Variants in GRIN2B observed in about 807,000 individuals in gnomAD.
GRIN2B encodes the protein glutamate ionotropic receptor NMDA type subunit 2B.
In GRIN2B, 5 loss-of-function variants were observed where a neutral mutation model predicts 114.5. That is an observed-to-expected ratio of 0.04 (90% CI 0.02 to 0.09). The LOEUF (loss-of-function observed/expected upper bound fraction) is 0.09, where lower values mean the gene tolerates loss of function less well. GRIN2B is among the 10% of genes least tolerant of loss of function. GRIN2B has a pLI of 1.00. For synonymous variants in GRIN2B, 787 were observed against 745.1 expected (o/e 1.06, Z -0.92); for missense variants, 1,108 against 1,943.5 (o/e 0.57, Z 8.08).
intron 5 of GRIN2B, among the ~76,000 whole-genome samples, chr12:13,658,480 T>TA (rs1192124514): frequency 6.6e-6 from 1 of 152,116 alleles, no homozygotes; most frequent in East Asian, 1.9e-4. Flanking sequence ...TCCTCATAAT[T>TA]AGATGGAATA....
intron 3 of GRIN2B, among the ~76,000 whole-genome samples, chr12:13,773,463 G>C (rs776282314): frequency 1.3e-5 from 2 of 152,186 alleles, no homozygotes; most frequent in African/African-American, 2.4e-5. Flanking sequence ...TCTTCTTTAA[G>C]GTGAACACAG....
At chr12:13,649,539 T>C (rs1406855374) in intron 5 of GRIN2B, among the ~76,000 whole-genome samples, 1 of 152,136 alleles carries the variant, frequency 6.6e-6, no homozygotes, top group Non-Finnish European at 1.5e-5. Flanking sequence ...CATTTTTTAA[T>C]GTGCATTTTA....
chr12:13,604,498 C>T (rs1164923789), intron 10 of GRIN2B, among the ~76,000 whole-genome samples: 1 of 152,182 alleles, frequency 6.6e-6, no homozygotes, highest in East Asian at 1.9e-4. Context: ...ATGGAAGATA[C>T]ATCATCTGTA....
chr12:13,662,713 G>A (rs930963635), intron 5 of GRIN2B, among the ~76,000 whole-genome samples: 4 of 152,042 alleles, frequency 2.6e-5, no homozygotes, highest in Non-Finnish European at 4.4e-5. Context: ...AAACCCAATC[G>A]GCCTCGTGTC....
chr12:13,954,412 G>A (rs1488110263), intron 2 of GRIN2B, among the ~76,000 whole-genome samples: 1 of 152,154 alleles, frequency 6.6e-6, no homozygotes. Context: ...TGGGAGCTCA[G>A]AGCACTTCTA....
intron 3 of GRIN2B, among the ~76,000 whole-genome samples, chr12:13,829,353 G>C (rs902892406): frequency 1.3e-5 from 2 of 152,164 alleles, no homozygotes; most frequent in Non-Finnish European, 2.9e-5. Context: ...ACCTAGAAGA[G>C]TGTCTGCATA....
intron 3 of GRIN2B, among the ~76,000 whole-genome samples, chr12:13,860,314 G>A (rs944236212): frequency 6.6e-6 from 1 of 152,034 alleles, no homozygotes; most frequent in Admixed American, 6.6e-5. Flanking sequence ...CATTCCCAAA[G>A]AAGCAATTTA....
intron 2 of GRIN2B, among the ~76,000 whole-genome samples, chr12:13,972,800 G>T (rs1421106): frequency 0.86 from 130,550 of 152,206 alleles, 56,733 homozygotes; most frequent in South Asian, 0.94. Flanking sequence ...GCCACACACA[G>T]AGACCACATG....
At chr12:13,682,439 A>G (rs540188162) in intron 4 of GRIN2B, among the ~76,000 whole-genome samples, 23 of 152,194 alleles carry the variant, frequency 1.5e-4, no homozygotes, top group Admixed American at 6.6e-4. Context: ...TTTACTTGAG[A>G]TGGGTTAAAA....
At chr12:13,643,585 C>G (rs1238299856) in intron 5 of GRIN2B, among the ~76,000 whole-genome samples, 1 of 152,070 alleles carries the variant, frequency 6.6e-6, no homozygotes, top group African/African-American at 2.4e-5. Context: ...AAGTTTGCCA[C>G]AACAATTGAC....
intron 4 of GRIN2B, among the ~76,000 whole-genome samples, chr12:13,728,237 C>G (rs1271731554): frequency 6.6e-6 from 1 of 152,186 alleles, no homozygotes; most frequent in African/African-American, 2.4e-5. Flanking sequence ...GATTCATGCA[C>G]TGAGTAGTCC....
chr12:13,724,104 G>A (rs1862932468), intron 4 of GRIN2B, among the ~76,000 whole-genome samples: 1 of 152,112 alleles, frequency 6.6e-6, no homozygotes, highest in Admixed American at 6.5e-5. Context: ...AAATAAGTCT[G>A]CCTTTAAAAA....
rs112466114 is a variant in GRIN2B at position 13,782,603 on chromosome 12, G to T, written c.412-28688C>A. Among the ~76,000 whole-genome samples the T allele has an allele frequency of 3.0e-3, 452 of 152,258 alleles. 2 individuals are homozygous for T. Among genetic ancestry groups the T allele is most frequent in the African/African-American group, 0.01 (429 of 41,534 alleles). On this transcript the variant is annotated intron_variant, in intron 3 of 13. Coordinates refer to ENST00000609686, the MANE Select transcript of GRIN2B (RefSeq NM_000834.5). ...GTTTTAAGATCAATGATTCAACATG[G>T]TTCTCCTTCTGACAGTAATGTAATG...
At position 13,564,156 on chromosome 12, in the gene GRIN2B, G is replaced by T; in HGVS notation, c.3082C>A (p.Pro1028Thr). Residue 1028 changes from proline (P) to threonine (T), a missense_variant, in exon 14 of 14, where the codon CCC (proline) becomes ACC (threonine). Pro to Thr is a conservative substitution (Grantham distance 38, BLOSUM62 -1). Transcript: ENST00000609686. The surrounding 1 kb of genome is among the most constrained non-coding windows in gnomAD (Gnocchi z 4.8). ...CTGAGCTGGCTGTGCTTGGAGGAGG[G>T]GAGGCCGATGTCCAGGGGCTTCTTG... ...ISKKPLDIGL[P>T]SSKHSQLSDL... 6.2e-7 allele frequency: 1 copy of T among 1,614,160 alleles called. No homozygotes were observed. Among genetic ancestry groups the T allele is most frequent in the Non-Finnish European group, 8.5e-7 (1 of 1,180,036 alleles).
At chr12:13,898,962 C>A (rs1866399531) in intron 2 of GRIN2B, among the ~76,000 whole-genome samples, 2 of 152,154 alleles carry the variant, frequency 1.3e-5, no homozygotes, top group Non-Finnish European at 2.9e-5. Context: ...ACAACTACTA[C>A]CACTACCAAT....
chr12:13,933,844 C>A (rs1434985903), intron 2 of GRIN2B, among the ~76,000 whole-genome samples: 1 of 152,148 alleles, frequency 6.6e-6, no homozygotes, highest in Non-Finnish European at 1.5e-5. Context: ...TCTAAGCTAA[C>A]AGAATGAGGT....
chr12:13,621,904 G>T (rs1949521838), intron 5 of GRIN2B, among the ~76,000 whole-genome samples: 1 of 151,942 alleles, frequency 6.6e-6, no homozygotes, highest in South Asian at 2.1e-4. Flanking sequence ...CCCTGACAAG[G>T]CCACACATTA....
chr12:13,909,703 T>G (rs4764038), intron 2 of GRIN2B, among the ~76,000 whole-genome samples: 120,884 of 152,124 alleles, frequency 0.79, 48,375 homozygotes, highest in East Asian at 1. Context: ...GATAAGAAAG[T>G]GCCTTAAGGT....
At chr12:13,827,141 C>T (rs1187491848) in intron 3 of GRIN2B, among the ~76,000 whole-genome samples, 1 of 142,824 alleles carries the variant, frequency 7.0e-6, no homozygotes, top group Non-Finnish European at 1.5e-5. Flanking sequence ...TATTATATGT[C>T]TTTTTTTCCC....
Sources: allele counts gnomAD v4.1 joint callset (sites outside exome capture counted in the v4.1 genomes callset), GRCh38; gene constraint gnomAD v4.1.1; non-coding constraint Gnocchi (gnomAD v3.1); transcripts MANE v1.5; gene names NCBI Gene and HGNC (gene_info 2026-07-23, HGNC 2026-07-21).